Variants in ACOT1 observed in about 807,000 individuals in gnomAD.
ACOT1 encodes the protein acyl-CoA thioesterase 1, also known as acyl-coenzyme A thioesterase 1.
A neutral mutation model predicts 15.7 loss-of-function variants in ACOT1; 8 were observed. That is an observed-to-expected ratio of 0.51 (90% CI 0.30 to 0.92). The LOEUF is 0.92. ACOT1 is among the 40% of genes least tolerant of loss of function. The pLI is 0.06. For missense variants in ACOT1, 151 were observed against 539.4 expected, an observed-to-expected ratio of 0.28 and a Z score of 7.13; for synonymous variants, 67 against 241.2, an observed-to-expected ratio of 0.28 and a Z score of 6.69.
the ACOT1 span, chr14:73,493,294 A>G: frequency 6.8e-6 from 4 of 590,472 alleles, no homozygotes; most frequent in Admixed American, 1.3e-4. Context: ...TGGATCTTTC[A>G]TCTGAGTTCT....
the ACOT1 span, chr14:73,514,306 G>A: frequency 1.4e-6 from 2 of 1,385,896 alleles, no homozygotes; most frequent in Non-Finnish European, 2.0e-6. Flanking sequence ...GCCCCAGCTT[G>A]CATCCCATTC....
In ACOT1 at chr14:73,538,350, A is replaced by C. The variant is rs1193194270; in HGVS notation, c.457+472A>C. ...TTGTAAGGGCTGGGCGCGCTGGCTC[A>C]CGCCTGTAATCCCAGCACTTTGAGA... is the stretch of plus-strand genomic sequence containing the variant. On this transcript the variant is annotated intron_variant, in intron 1 of 2. Transcript: ENST00000311148. Among the ~76,000 whole-genome samples the C allele has an allele frequency of 1.4e-4, 16 of 114,568 alleles. 5 individuals are homozygous for C. Among genetic ancestry groups the C allele is most frequent in the Non-Finnish European group, 3.0e-4 (16 of 52,664 alleles). The allele number at this position is 114,568 out of a possible 152,430, so 75.2% of individuals were successfully genotyped here.
In ACOT1 at chr14:73,539,289, A is replaced by C. The variant is rs1173620777; in HGVS notation, c.457+1411A>C. The C allele has an allele frequency of 2.6e-5, 3 of 115,132 alleles. 1 individual carries two copies. Among genetic ancestry groups the C allele is most frequent in the Non-Finnish European group, 5.7e-5 (3 of 53,014 alleles). The allele number at this position is 115,132 out of a possible 1,614,324, so 7.1% of individuals were successfully genotyped here. A position where few individuals can be genotyped will look rare whatever the true frequency, so the allele number is the denominator to read the frequency against. ...CTGTTACCATTCCAGGAGAGCAGCC[A>C]CCTCCCTGTGCATGGCAGGACCAGG... On this transcript the variant is annotated intron_variant, in intron 1 of 2. Coordinates refer to ENST00000311148, the MANE Select transcript of ACOT1 (RefSeq NM_001037161.2).
chr14:73,493,176 C>CCGTG, the ACOT1 span: 1 of 1,481,178 alleles, frequency 6.8e-7, no homozygotes, highest in South Asian at 1.1e-5. Flanking sequence ...AACCCTTGAT[C>CCGTG]CGTGATCATT....
chr14:73,513,512 G>A, the ACOT1 span, among the ~76,000 whole-genome samples: 4 of 150,584 alleles, frequency 2.7e-5, no homozygotes, highest in African/African-American at 9.8e-5. Flanking sequence ...GATCACCTGA[G>A]GTCAGGAGTT....
the ACOT1 span, chr14:73,499,240 G>C: frequency 9.8e-7 from 1 of 1,018,672 alleles, no homozygotes; most frequent in South Asian, 1.3e-5. Flanking sequence ...CAGCATTTTG[G>C]GATGCCAAGG....
At chr14:73,526,283 A>C in the ACOT1 span, among the ~76,000 whole-genome samples, 1 of 152,214 alleles carries the variant, frequency 6.6e-6, no homozygotes, top group Non-Finnish European at 1.5e-5. Flanking sequence ...GTAGAGTGGG[A>C]CAGACCTGAG....
At chr14:73,497,346 A>G in the ACOT1 span, among the ~76,000 whole-genome samples, 2 of 152,094 alleles carry the variant, frequency 1.3e-5, no homozygotes, top group African/African-American at 2.4e-5. Context: ...GGCCAAGACA[A>G]TATATTTGAA....
At chr14:73,528,593 G>C in the ACOT1 span, among the ~76,000 whole-genome samples, 4 of 152,160 alleles carry the variant, frequency 2.6e-5, no homozygotes, top group Non-Finnish European at 5.9e-5. Flanking sequence ...AGGCCAAATT[G>C]TGCACTTCCC....
chr14:73,524,763 C>T, the ACOT1 span, among the ~76,000 whole-genome samples: 1 of 151,670 alleles, frequency 6.6e-6, no homozygotes, highest in African/African-American at 2.4e-5. Flanking sequence ...CCTTGCCTCT[C>T]CAAGGAACAG....
the ACOT1 span, chr14:73,523,242 G>C: frequency 1.5e-6 from 2 of 1,306,100 alleles, no homozygotes; most frequent in Non-Finnish European, 2.1e-6. Flanking sequence ...GGGAATGGGA[G>C]GAACTGATGA....
the ACOT1 span, chr14:73,498,299 A>G: frequency 3.7e-6 from 6 of 1,611,914 alleles, no homozygotes; most frequent in Non-Finnish European, 5.1e-6. Flanking sequence ...AGCCCAGAGC[A>G]GAAGATCCGT....
chr14:73,491,888 C>G, the ACOT1 span: 1 of 1,611,820 alleles, frequency 6.2e-7, no homozygotes, highest in Non-Finnish European at 8.5e-7. Context: ...GTCCCTGTAC[C>G]AGGCCGGCTG....
At chr14:73,492,999 CTTTTT>C in the ACOT1 span, 20 of 1,460,612 alleles carry the variant, frequency 1.4e-5, no homozygotes, top group African/African-American at 1.5e-5. This position sits in a 1 kb window ranked among gnomAD's most constrained non-coding sequence, Gnocchi z 4.9. Flanking sequence ...CCACTGCTAC[CTTTTT>C]TTTTTTTTTT....
chr14:73,524,306 A>ATATAT, the ACOT1 span, among the ~76,000 whole-genome samples: 157 of 90,882 alleles, frequency 1.7e-3, no homozygotes, highest in South Asian at 2.3e-3. Context: ...AAAAAAAAAA[A>ATATAT]AAAAATATAT....
chr14:73,529,953 T>A, the ACOT1 span, among the ~76,000 whole-genome samples: 3 of 145,934 alleles, frequency 2.1e-5, no homozygotes, highest in African/African-American at 7.5e-5. Context: ...GTTTGTTAGA[T>A]ACAGTTTTTT....
chr14:73,504,057 A>G, the ACOT1 span, among the ~76,000 whole-genome samples: 1 of 151,710 alleles, frequency 6.6e-6, no homozygotes, highest in African/African-American at 2.4e-5. Flanking sequence ...AGCTGGCTTA[A>G]GATGAGATTT....
the ACOT1 span, among the ~76,000 whole-genome samples, chr14:73,519,803 G>A: frequency 6.6e-6 from 1 of 152,178 alleles, no homozygotes; most frequent in African/African-American, 2.4e-5. Context: ...GGATCACAAG[G>A]TCAAGAGATT....
At chr14:73,506,269 G>T in the ACOT1 span, among the ~76,000 whole-genome samples, 1 of 152,172 alleles carries the variant, frequency 6.6e-6, no homozygotes, top group African/African-American at 2.4e-5. Flanking sequence ...TGGACCACCA[G>T]TGCACTGAGA....
Sources: allele counts gnomAD v4.1 joint callset (sites outside exome capture counted in the v4.1 genomes callset), GRCh38; gene constraint gnomAD v4.1.1; non-coding constraint Gnocchi (gnomAD v3.1); transcripts MANE v1.5; gene names NCBI Gene and HGNC (gene_info 2026-07-23, HGNC 2026-07-21).